Variants in PPP1R15B observed in about 807,000 individuals in gnomAD.
PPP1R15B encodes the protein protein phosphatase 1, regulatory (inhibitor) subunit 15B.
In PPP1R15B, 31 loss-of-function variants were observed where a neutral mutation model predicts 53.9. The observed-to-expected ratio is 0.58, with a 90% CI of 0.43 to 0.78. The LOEUF (loss-of-function observed/expected upper bound fraction) is 0.78. Ranked by LOEUF, PPP1R15B falls within the 30% of genes least tolerant of loss-of-function variation. PPP1R15B has a pLI of 0.00. For missense variants in PPP1R15B, 928 were observed against 849.6 expected, an observed-to-expected ratio of 1.09 and a Z score of -1.15; for synonymous variants, 345 against 329.1, an observed-to-expected ratio of 1.05 and a Z score of -0.52.
rs1481288403 is a variant in PPP1R15B at position 204,404,425 on chromosome 1, C to T, written c.*1667G>A. 4.8e-6 allele frequency: 3 copies of T among 622,918 alleles called. No individual in the cohort carries two copies. The highest frequency in any genetic ancestry group is 4.0e-6 in the Non-Finnish European group (2 of 499,576). 38.6% of individuals were successfully genotyped at this position (622,918 alleles called of 1,614,324 possible). On this transcript the variant is annotated 3_prime_UTR_variant, in exon 2 of 2. Transcript: ENST00000367188. ...GCGTGAACCCAGGAGGCGGAGGTTGCAGTGAGCCGAGATCGCGCCACTGCA... is the reference window on the plus strand; with the variant it reads ...GCGTGAACCCAGGAGGCGGAGGTTGTAGTGAGCCGAGATCGCGCCACTGCA...
At chr1:204,409,208 T>C (rs767129506) in intron 1 of PPP1R15B, among the ~76,000 whole-genome samples, 16 of 152,172 alleles carry the variant, frequency 1.1e-4, no homozygotes, top group Non-Finnish European at 2.2e-4. Context: ...AATTGAAGCT[T>C]GTAAGGAAAC....
At chr1:204,401,853 T>G (rs576014170), downstream of PPP1R15B, among the ~76,000 whole-genome samples, 1 of 152,232 alleles carries the variant, frequency 6.6e-6, no homozygotes, top group South Asian at 2.1e-4. Context: ...CCTGGGAGGT[T>G]GAGGCTGTTG....
chr1:204,405,534 A>G lies in PPP1R15B; in HGVS notation c.*558T>C, dbSNP rs1674250168. 1.0e-6 allele frequency: 1 copy of G among 983,440 alleles called. No individual in the cohort carries two copies. The highest frequency in any genetic ancestry group is 1.7e-5 in the African/African-American group (1 of 57,200). The allele number at this position is 983,440 out of a possible 1,614,324, so 60.9% of individuals were successfully genotyped here. On this transcript the variant is annotated 3_prime_UTR_variant, in exon 2 of 2. Transcript: ENST00000367188. ...CCAAGTCATTTTTACAAGAAAAAAA[A>G]AAGTGACACAAAATAATGCACTTTA...
chr1:204,405,247 A>C lies in PPP1R15B; in HGVS notation c.*845T>G. ...TAAGTTTAAAAAATAAATGATTATG[A>C]TGTAATTATTACTTTCCAGAGTGTT... On this transcript the variant is annotated 3_prime_UTR_variant, in exon 2 of 2. Coordinates refer to ENST00000367188, the MANE Select transcript of PPP1R15B (RefSeq NM_032833.5). The C allele has an allele frequency of 2.0e-6, 2 of 975,824 alleles. No homozygotes were observed. Among genetic ancestry groups the C allele is most frequent in the Non-Finnish European group, 2.4e-6 (2 of 820,768 alleles). The allele number at this position is 975,824 out of a possible 1,614,324, so 60.4% of individuals were successfully genotyped here.
intron 1 of PPP1R15B, 109 bp downstream of exon 1, chr1:204,409,383 C>G: frequency 8.2e-7 from 1 of 1,215,350 alleles, no homozygotes; most frequent in Non-Finnish European, 1.1e-6. Context: ...AATTTAGAGG[C>G]CTTCCTCAAA....
chr1:204,406,429 T>G, intron 1 of PPP1R15B, 116 bp from the exon 2 acceptor site: 1 of 1,333,426 alleles, frequency 7.5e-7, no homozygotes, highest in East Asian at 2.5e-5. Flanking sequence ...GAATAACATA[T>G]TATTATTAGG....
At chr1:204,400,746 C>T (rs1179804318), downstream of PPP1R15B, 3 of 981,670 alleles carry the variant, frequency 3.1e-6, no homozygotes, top group African/African-American at 1.7e-5. Flanking sequence ...CAATTGTGCT[C>T]TTCTTTTGCT....
Position 204,404,597 on chromosome 1 carries a change from G to T in PPP1R15B, c.*1495C>A, listed in dbSNP as rs1397851910. 6.1e-6 allele frequency: 6 copies of T among 984,936 alleles called. No homozygotes were observed. Among genetic ancestry groups the T allele is most frequent in the Non-Finnish European group, 7.2e-6 (6 of 829,192 alleles). 61.0% of individuals were successfully genotyped at this position (984,936 alleles called of 1,614,324 possible). ...TTTAATTATGAATATATAAACAGTG[G>T]AGGCAGTTCTTAGAACTGGATAGAA... On this transcript the variant is annotated 3_prime_UTR_variant, in exon 2 of 2. Coordinates refer to ENST00000367188, the MANE Select transcript of PPP1R15B (RefSeq NM_032833.5).
chr1:204,407,600 A>G (rs1179514952), intron 1 of PPP1R15B, among the ~76,000 whole-genome samples: 19 of 152,198 alleles, frequency 1.2e-4, no homozygotes, highest in Admixed American at 1.1e-3. Flanking sequence ...GTAACACCTT[A>G]CTAGTTATTG....
downstream of PPP1R15B, among the ~76,000 whole-genome samples, chr1:204,403,137 G>C (rs1212621497): frequency 1.1e-4 from 17 of 152,116 alleles, no homozygotes; most frequent in Non-Finnish European, 1.3e-4. Flanking sequence ...GCTAAGCCCA[G>C]CATCTGAATG....
At position 204,405,479 on chromosome 1, in the gene PPP1R15B, G is replaced by C; in HGVS notation, c.*613C>G. 1.0e-6 allele frequency: 1 copy of C among 982,704 alleles called. No homozygotes were observed. Among genetic ancestry groups the C allele is most frequent in the South Asian group, 4.7e-5 (1 of 21,246 alleles). 60.9% of individuals were successfully genotyped at this position (982,704 alleles called of 1,614,324 possible). ...AATATCCTAGGTAGAACTTAATGTA[G>C]AAATAAAAAGGCTACCACATATTTT... On this transcript the variant is annotated 3_prime_UTR_variant, in exon 2 of 2. Transcript: ENST00000367188.
In PPP1R15B at chr1:204,410,468, G is replaced by T; in HGVS notation, c.944C>A (p.Thr315Asn). ...QQASKGQDLPTPDQDNGYHSL... is the reference protein window; with the variant it reads ...QQASKGQDLPNPDQDNGYHSL... Reference sequence around the variant, plus strand: ...GTGGTAGCCATTATCCTGGTCAGGGGTGGGTAAATCTTGCCCCTTGCTAGC... The same window carrying T: ...GTGGTAGCCATTATCCTGGTCAGGGTTGGGTAAATCTTGCCCCTTGCTAGC... The change falls in exon 1 of 2, where the codon ACC becomes AAC. Residue 315 changes from threonine (T) to asparagine (N), a missense_variant. Transcript: ENST00000367188. 6.2e-7 allele frequency: 1 copy of T among 1,614,222 alleles called. No homozygotes were observed. Among genetic ancestry groups the T allele is most frequent in the Non-Finnish European group, 8.5e-7 (1 of 1,180,046 alleles).
downstream of PPP1R15B, among the ~76,000 whole-genome samples, chr1:204,397,289 C>T (rs1404459832): frequency 1.3e-5 from 2 of 152,096 alleles, no homozygotes; most frequent in African/African-American, 4.8e-5. Flanking sequence ...CTTTGGAAGG[C>T]CAAGGCAGGC....
intron 1 of PPP1R15B, among the ~76,000 whole-genome samples, chr1:204,407,691 C>CT (rs766256603): frequency 6.6e-6 from 1 of 152,094 alleles, no homozygotes; most frequent in Admixed American, 6.6e-5. Context: ...ATATACCAGG[C>CT]TTTTTTTAAA....
At chr1:204,398,734 G>A (rs1674128026), downstream of PPP1R15B, among the ~76,000 whole-genome samples, 1 of 152,226 alleles carries the variant, frequency 6.6e-6, no homozygotes, top group East Asian at 1.9e-4. Flanking sequence ...ACGCCATCTG[G>A]TGGAGACAAC....
chr1:204,396,294 G>A (rs1346507277), downstream of PPP1R15B, among the ~76,000 whole-genome samples: 3 of 148,316 alleles, frequency 2.0e-5, no homozygotes, highest in African/African-American at 7.6e-5. Flanking sequence ...GATCTCTTGA[G>A]CCCAGAAGTT....
At chr1:204,399,200 G>A (rs965789469), downstream of PPP1R15B, among the ~76,000 whole-genome samples, 1 of 152,174 alleles carries the variant, frequency 6.6e-6, no homozygotes, top group Non-Finnish European at 1.5e-5. Flanking sequence ...GGCCAAGGCA[G>A]GAGGACTGCT....
rs577665952 is a variant in PPP1R15B at position 204,410,804 on chromosome 1, G to A, written c.608C>T (p.Ser203Leu). The A allele has an allele frequency of 2.5e-6, 4 of 1,614,220 alleles. No homozygotes were observed. The highest frequency in any genetic ancestry group is 1.1e-5 in the South Asian group (1 of 91,090). Residue 203 changes from serine to leucine, a missense_variant, in exon 1 of 2, where the codon TCG (serine) becomes TTG (leucine). Ser to Leu is a moderately radical substitution (Grantham distance 145). Coordinates refer to ENST00000367188, the MANE Select transcript of PPP1R15B (RefSeq NM_032833.5). ...TTGAATGTTTAGAGGCCCAGAGGGC[G>A]AAGAGCCAAGTTCCCGGTTAGAGTA... ...RLYSNRELGSSPSGPLNIQRI... is the reference protein window; with the variant it reads ...RLYSNRELGSLPSGPLNIQRI...
chr1:204,397,263 G>A (rs4294474), downstream of PPP1R15B, among the ~76,000 whole-genome samples: 8,943 of 151,956 alleles, frequency 0.059, 273 homozygotes, highest in Admixed American at 0.081. Context: ...GATGGCTCAC[G>A]CCTGTAATCC....
Sources: gnomAD v4.1 joint callset for allele counts (sites outside exome capture counted in the v4.1 genomes callset) on GRCh38, gnomAD v4.1.1 for gene constraint, MANE v1.5 for transcripts, NCBI Gene and HGNC (gene_info 2026-07-23, HGNC 2026-07-21) for gene names.